Variants in EDEM2 observed in about 807,000 individuals in gnomAD.
EDEM2 encodes ER degradation-enhancing alpha-mannosidase-like protein 2.
Under a neutral mutation model 64.8 loss-of-function variants are expected in EDEM2, and 39 were observed. The ratio of observed to expected loss-of-function variants is 0.60; its 90% CI spans 0.47 to 0.79. EDEM2 has a LOEUF of 0.79. Among genes scored for constraint, EDEM2 ranks in the 30% least tolerant of loss-of-function variants. EDEM2 has a pLI of 0.00. For synonymous variants in EDEM2, 296 were observed against 291.5 expected, an observed-to-expected ratio of 1.02 and a Z score of -0.16; for missense variants, 609 against 731.3, an observed-to-expected ratio of 0.83 and a Z score of 1.93.
chr20:35,141,007 C>A (rs150828040), intron 4 of EDEM2, among the ~76,000 whole-genome samples: 1 of 150,328 alleles, frequency 6.7e-6, no homozygotes, highest in Non-Finnish European at 1.5e-5. Flanking sequence ...GCAATCCCAG[C>A]TACATAGGAG....
intron 4 of EDEM2, among the ~76,000 whole-genome samples, chr20:35,142,053 G>C (rs2085662283): frequency 2.6e-5 from 4 of 152,190 alleles, no homozygotes; most frequent in Non-Finnish European, 5.9e-5. Context: ...CAGACAATAA[G>C]TTCCAAGAAG....
At chr20:35,128,090 A>G (rs1362079108) in intron 7 of EDEM2, among the ~76,000 whole-genome samples, 2 of 152,136 alleles carry the variant, frequency 1.3e-5, no homozygotes, top group African/African-American at 4.8e-5. Context: ...CCTTCCTCTT[A>G]TATAAAAAAA....
At chr20:35,122,107 A>G (rs1010094951) in intron 9 of EDEM2, among the ~76,000 whole-genome samples, 7 of 152,210 alleles carry the variant, frequency 4.6e-5, no homozygotes, top group Admixed American at 4.6e-4. Flanking sequence ...CTTACTTTCC[A>G]TGAATGCCTT....
chr20:35,146,762 A>G, intron 2 of EDEM2, 63 bp downstream of exon 2: 1 of 1,562,318 alleles, frequency 6.4e-7, no homozygotes, highest in South Asian at 1.2e-5. Context: ...GCCCCAGCTG[A>G]CCCGCCCGCC....
In EDEM2 at chr20:35,132,266, A is replaced by G. The variant is rs2085515375; in HGVS notation, c.703-483T>C. On this transcript the variant is annotated intron_variant, in intron 6 of 10. Coordinates refer to ENST00000374492, the MANE Select transcript of EDEM2 (RefSeq NM_018217.3). ...AACCGAATAGCTGGAGACAGGGGCA[A>G]AAGGGGACTTCACCAATGTCACTGA... Among the ~76,000 whole-genome samples, 3 of 152,056 alleles carry G rather than the reference A, an allele frequency of 2.0e-5. No homozygotes were observed. The South Asian group carries it at 6.2e-4, about 32-fold the overall frequency.
In EDEM2 at chr20:35,147,302, T is replaced by G. The variant is rs761443449; in HGVS notation, c.-44A>C. 2.8e-6 allele frequency: 4 copies of G among 1,454,272 alleles called. No individual in the cohort carries two copies. Among genetic ancestry groups the G allele is most frequent in the East Asian group, 2.6e-5 (1 of 38,844 alleles). The allele number at this position is 1,454,272 out of a possible 1,614,324, so 90.1% of individuals were successfully genotyped here. Reference sequence around the variant, plus strand: ...GCGCCCCCGCAGCAGCAGCAGCCACTGCAACCAGTTCATCCTGGGAGCTGC... The same window carrying G: ...GCGCCCCCGCAGCAGCAGCAGCCACGGCAACCAGTTCATCCTGGGAGCTGC... On this transcript the variant is annotated 5_prime_UTR_variant, in exon 1 of 11. Transcript: ENST00000374492.
intron 7 of EDEM2, 114 bp downstream of exon 7, chr20:35,131,528 T>G: frequency 7.5e-7 from 1 of 1,331,380 alleles, no homozygotes; most frequent in East Asian, 2.4e-5. Context: ...ATTGTGCCAC[T>G]GCACTCCAGC....
At position 35,147,040 on chromosome 20, in the gene EDEM2, T is replaced by G. The variant is rs1216789143; in HGVS notation, c.108-105A>C. On this transcript the variant is annotated intron_variant, in intron 1 of 10. Transcript: ENST00000374492. Reference sequence around the variant, plus strand: ...TGGGAATCACTAGCTGATTTCTCCCTGGGACCTAGCGGCTGTGTCGGAGCA... The same window carrying G: ...TGGGAATCACTAGCTGATTTCTCCCGGGGACCTAGCGGCTGTGTCGGAGCA... The G allele has an allele frequency of 2.6e-6, 4 of 1,547,270 alleles. No individual in the cohort carries two copies. In the African/African-American group the frequency reaches 4.1e-5, roughly 16 times the overall value.
chr20:35,133,461 C>CG (rs147665638), intron 6 of EDEM2, among the ~76,000 whole-genome samples: 1,876 of 149,078 alleles, frequency 0.013, 110 homozygotes, highest in Admixed American at 0.096. Flanking sequence ...AGGTCTCCAG[C>CG]GGGGCACCTT....
chr20:35,132,775 T>C (rs2085522681), intron 6 of EDEM2, among the ~76,000 whole-genome samples: 1 of 152,206 alleles, frequency 6.6e-6, no homozygotes, highest in African/African-American at 2.4e-5. Flanking sequence ...CGACCTCAGG[T>C]GATACGCCTG....
In EDEM2 at chr20:35,115,366, T is replaced by C. The variant is rs1315828950; in HGVS notation, c.*67A>G. 6.6e-7 allele frequency: 1 copy of C among 1,511,138 alleles called. No individual in the cohort carries two copies. The highest frequency in any genetic ancestry group is 8.9e-7 in the Non-Finnish European group (1 of 1,129,136). The allele number at this position is 1,511,138 out of a possible 1,614,324, so 93.6% of individuals were successfully genotyped here. Reference sequence around the variant, plus strand: ...TATGTAAAACATGATAACCAAAATATGATAGCCAAAAGCAATTTATTATAG... The same window carrying C: ...TATGTAAAACATGATAACCAAAATACGATAGCCAAAAGCAATTTATTATAG... On this transcript the variant is annotated 3_prime_UTR_variant, in exon 11 of 11. Transcript: ENST00000374492.
chr20:35,143,611 T>A (rs952919372), intron 3 of EDEM2, among the ~76,000 whole-genome samples: 15 of 152,224 alleles, frequency 9.9e-5, no homozygotes, highest in African/African-American at 3.6e-4. Context: ...GATAGTAACA[T>A]CTCAATTTAC....
intron 9 of EDEM2, among the ~76,000 whole-genome samples, chr20:35,122,735 G>A (rs766375819): frequency 2.7e-4 from 41 of 152,154 alleles, no homozygotes; most frequent in Admixed American, 5.2e-4. Context: ...AATAACAGTG[G>A]CCTCTAAGGA....
At position 35,115,910 on chromosome 20, in the gene EDEM2, C is replaced by A; in HGVS notation, c.1260G>T (p.Lys420Asn). 1 of 1,613,960 alleles carries A rather than the reference C, an allele frequency of 6.2e-7. No homozygotes were observed. Among genetic ancestry groups the A allele is most frequent in the Non-Finnish European group, 8.5e-7 (1 of 1,179,888 alleles). Residue 420 changes from lysine to asparagine, a missense_variant, in exon 11 of 11, where the codon AAG becomes AAT. Physicochemically the swap from Lys to Asn is moderately conservative, Grantham distance 94. Transcript: ENST00000374492. The part of the protein sequence containing the change: ...FATIKDLRDH[K>N]LDNRMESFFL... ...AGAACGACTCCATGCGGTTGTCCAG[C>A]TTGTGGTCTCGCAGATCTTTGATCT...
At chr20:35,142,795 T>C (rs891347693) in intron 3 of EDEM2, among the ~76,000 whole-genome samples, 49 of 152,206 alleles carry the variant, frequency 3.2e-4, no homozygotes, top group African/African-American at 1.1e-3. Context: ...AGACAGAGTC[T>C]CGCTCTGCTG....
At chr20:35,138,859 C>A (rs1487780854) in intron 4 of EDEM2, among the ~76,000 whole-genome samples, 1 of 152,114 alleles carries the variant, frequency 6.6e-6, no homozygotes, top group Admixed American at 6.6e-5. Flanking sequence ...GCTGGATTTA[C>A]AGGCATGAGC....
In EDEM2 at chr20:35,118,702, T is replaced by C. The variant is rs140405715; in HGVS notation, c.1132A>G (p.Met378Val). 1.1e-4 allele frequency: 174 copies of C among 1,612,614 alleles called. 1 individual carries two copies. The African/African-American group carries it at 1.7e-3, about 15-fold the overall frequency. Residue 378 changes from methionine to valine, a missense_variant, in exon 10 of 11, where the codon ATG becomes GTG. Coordinates refer to ENST00000374492, the MANE Select transcript of EDEM2 (RefSeq NM_018217.3). ...PLRPELIESAMYLYRATGDPT... is the reference protein window; with the variant it reads ...PLRPELIESAVYLYRATGDPT... ...TCCCCCGTGGCACGGTAGAGGTACA[T>C]TGCGCTTTCAATAAGTTCTGCAAAG...
At chr20:35,134,372 G>A (rs147960240) in intron 6 of EDEM2, among the ~76,000 whole-genome samples, 44 of 152,204 alleles carry the variant, frequency 2.9e-4, no homozygotes, top group Admixed American at 9.2e-4. Context: ...CAGAACCGGT[G>A]TCCTAAGAAA....
Position 35,142,450 on chromosome 20 carries a change from C to A in EDEM2, c.287G>T (p.Arg96Ile), listed in dbSNP as rs758534825. Residue 96 changes from arginine to isoleucine, a missense_variant, in exon 4 of 11, where the codon AGA becomes ATA. Physicochemically the swap from Arg to Ile is moderately conservative, Grantham distance 97. Coordinates refer to ENST00000374492, the MANE Select transcript of EDEM2 (RefSeq NM_018217.3). ...LILGNVSEFQ[R>I]VVEVLQDSVD... ...GCTGTCCTGGAGCACTTCAACCACTCTTTGGAATTCTGAGACATTCCCCAA... is the reference window on the plus strand; with the variant it reads ...GCTGTCCTGGAGCACTTCAACCACTATTTGGAATTCTGAGACATTCCCCAA... 2 of 1,613,960 alleles carry A rather than the reference C, an allele frequency of 1.2e-6. No individual in the cohort carries two copies. Among genetic ancestry groups the A allele is most frequent in the East Asian group, 2.2e-5 (1 of 44,878 alleles).
Sources: gnomAD v4.1 joint callset for allele counts (sites outside exome capture counted in the v4.1 genomes callset) on GRCh38, gnomAD v4.1.1 for gene constraint, MANE v1.5 for transcripts, NCBI Gene and HGNC (gene_info 2026-07-23, HGNC 2026-07-21) for gene names.